The following DGKB variants were observed in gnomAD, a reference collection of about 807,000 sequenced individuals.
DGKB encodes 90 kDa diacylglycerol kinase.
DGKB carries 67 observed loss-of-function variants against 114.3 expected under a neutral mutation model. The ratio of observed to expected loss-of-function variants is 0.59; its 90% CI spans 0.48 to 0.72. The LOEUF (loss-of-function observed/expected upper bound fraction) is 0.72, where lower values mean the gene tolerates loss of function less well. Among genes scored for constraint, DGKB ranks in the 30% least tolerant of loss-of-function variants. The pLI is 0.00. For synonymous variants in DGKB, 398 were observed against 323.1 expected, an observed-to-expected ratio of 1.23 and a Z score of -2.49; for missense variants, 907 against 975.2, an observed-to-expected ratio of 0.93 and a Z score of 0.93.
chr7:14,469,517 C>G (rs865778759), intron 21 of DGKB, among the ~76,000 whole-genome samples: 8 of 152,164 alleles, frequency 5.3e-5, no homozygotes, highest in Middle Eastern at 3.4e-3. Flanking sequence ...CTCCAGTCCT[C>G]ACTCACTCTA....
In DGKB at chr7:14,254,651, A is replaced by G. The variant is rs549431588; in HGVS notation, c.2123-76500T>C. ...TTATCAACCCTACATATACATACAT[A>G]GAGTACTTTATATATTTCAATTATT... On this transcript the variant is annotated intron_variant, in intron 23 of 25. Coordinates refer to ENST00000402815, the MANE Select transcript of DGKB (RefSeq NM_001350709.2). Among the ~76,000 whole-genome samples the G allele has an allele frequency of 6.6e-5, 10 of 152,276 alleles. 1 individual carries two copies. The South Asian group carries it at 2.1e-3, about 32-fold the overall frequency.
At chr7:14,916,899 C>T (rs1336078445) in intron 1 of DGKB, among the ~76,000 whole-genome samples, 1 of 151,964 alleles carries the variant, frequency 6.6e-6, no homozygotes, top group Non-Finnish European at 1.5e-5. Context: ...GGCCCTAAAA[C>T]ACACCTTAAC....
intron 1 of DGKB, among the ~76,000 whole-genome samples, chr7:14,937,623 C>T (rs903005265): frequency 6.6e-6 from 1 of 152,120 alleles, no homozygotes. Flanking sequence ...CTTGACTTTT[C>T]TTTTCCCTAC....
chr7:14,531,591 T>G (rs1791591309), intron 20 of DGKB, among the ~76,000 whole-genome samples: 1 of 151,272 alleles, frequency 6.6e-6, no homozygotes, highest in Non-Finnish European at 1.5e-5. Context: ...GTTCATAGAT[T>G]GGAAAATAAA....
At chr7:14,738,025 A>G (rs1307986140) in intron 4 of DGKB, among the ~76,000 whole-genome samples, 1 of 152,254 alleles carries the variant, frequency 6.6e-6, no homozygotes, top group African/African-American at 2.4e-5. Context: ...GCAATTTGCT[A>G]CAATGAATTC....
At chr7:14,246,736 A>G (rs1794534475) in intron 23 of DGKB, among the ~76,000 whole-genome samples, 1 of 152,092 alleles carries the variant, frequency 6.6e-6, no homozygotes, top group Admixed American at 6.6e-5. Context: ...TGATGTTTTG[A>G]TGTACATGCA....
chr7:14,275,338 A>T (rs1798845944), intron 23 of DGKB, among the ~76,000 whole-genome samples: 1 of 152,330 alleles, frequency 6.6e-6, no homozygotes, highest in South Asian at 2.1e-4. Context: ...TTGTATGAAT[A>T]TTTCTTGAAA....
chr7:14,750,544 T>C (rs1002883628), intron 4 of DGKB, among the ~76,000 whole-genome samples: 5 of 152,160 alleles, frequency 3.3e-5, no homozygotes, highest in Admixed American at 3.3e-4. Flanking sequence ...GTGTTCTTAC[T>C]TGATTGGACT....
intron 2 of DGKB, among the ~76,000 whole-genome samples, chr7:14,785,046 GGT>G (rs1839680961): frequency 1.3e-5 from 2 of 151,950 alleles, no homozygotes; most frequent in Admixed American, 6.6e-5. Context: ...GTGAGATGGA[GGT>G]CACAACGTGC....
chr7:14,694,025 G>A, intron 9 of DGKB, 50 bp downstream of exon 9: 1 of 1,544,214 alleles, frequency 6.5e-7, no homozygotes, highest in East Asian at 2.4e-5. Flanking sequence ...GTGTAATAGA[G>A]AGCCCCACTG....
chr7:14,710,486 T>C (rs1827178390), intron 6 of DGKB, among the ~76,000 whole-genome samples: 1 of 152,100 alleles, frequency 6.6e-6, no homozygotes, highest in Non-Finnish European at 1.5e-5. Flanking sequence ...ACTTCATGGA[T>C]TTTTCTTGCC....
intron 20 of DGKB, among the ~76,000 whole-genome samples, chr7:14,518,647 A>G (rs1165208999): frequency 6.6e-6 from 1 of 152,062 alleles, no homozygotes. Context: ...TGTTCCCCAG[A>G]AAAGAGAGAA....
intron 21 of DGKB, among the ~76,000 whole-genome samples, chr7:14,386,651 T>A (rs2128696463): frequency 6.6e-6 from 1 of 152,306 alleles, no homozygotes; most frequent in Admixed American, 6.5e-5. Flanking sequence ...CTGCCCTCAG[T>A]CTACAGTAAT....
chr7:14,454,996 A>G (rs539019381), intron 21 of DGKB, among the ~76,000 whole-genome samples: 12 of 152,222 alleles, frequency 7.9e-5, no homozygotes, highest in African/African-American at 2.6e-4. Context: ...ATTCAGACAC[A>G]GATAGAACCG....
At chr7:14,487,499 T>C (rs1049500615) in intron 20 of DGKB, among the ~76,000 whole-genome samples, 3 of 152,122 alleles carry the variant, frequency 2.0e-5, no homozygotes, top group African/African-American at 7.2e-5. Context: ...AAGTTAATCA[T>C]TGTAACTATT....
chr7:14,825,064 T>A (rs1166009875), intron 2 of DGKB, among the ~76,000 whole-genome samples: 2 of 134,788 alleles, frequency 1.5e-5, no homozygotes, highest in African/African-American at 5.3e-5. Context: ...ATATCACATG[T>A]ACTAGGTAAG....
intron 21 of DGKB, among the ~76,000 whole-genome samples, chr7:14,393,000 T>G (rs28726348): frequency 2.8e-5 from 2 of 71,628 alleles, no homozygotes; most frequent in African/African-American, 2.0e-4. Flanking sequence ...TTTTTGTTTT[T>G]TTTTTTTTGA....
chr7:14,519,988 C>A (rs1160816117), intron 20 of DGKB, among the ~76,000 whole-genome samples: 1 of 151,696 alleles, frequency 6.6e-6, no homozygotes, highest in East Asian at 1.9e-4. Context: ...TACTTTTCCA[C>A]TCTGGCTTAT....
intron 17 of DGKB, among the ~76,000 whole-genome samples, chr7:14,591,174 CA>C (rs1371173275): frequency 6.6e-6 from 1 of 152,090 alleles, no homozygotes. Context: ...TTCCACATTA[CA>C]GGTCATCCTT....
Sources: allele counts gnomAD v4.1 joint callset (sites outside exome capture counted in the v4.1 genomes callset), GRCh38; gene constraint gnomAD v4.1.1; transcripts MANE v1.5; gene names NCBI Gene and HGNC (gene_info 2026-07-23, HGNC 2026-07-21).